BRIP1: variants seen among roughly 807,000 people sequenced by gnomAD.
The protein encoded by BRIP1 is BRCA1 interacting DNA helicase 1, also known as Fanconi anemia group J protein.
Under a neutral mutation model 119.7 loss-of-function variants are expected in BRIP1, and 88 were observed. The ratio of observed to expected loss-of-function variants is 0.74; its 90% confidence interval spans 0.62 to 0.88. The LOEUF (loss-of-function observed/expected upper bound fraction) is 0.88, where lower values mean the gene tolerates loss of function less well. Ranked by LOEUF, BRIP1 falls within the 40% of genes least tolerant of loss-of-function variation. The pLI, the probability that BRIP1 is intolerant of heterozygous loss-of-function variation, is 0.00. For synonymous variants in BRIP1, 443 were observed against 496.5 expected (o/e 0.89, Z 1.43); for missense variants, 1,259 against 1,455.4 (o/e 0.87, Z 2.20).
rs2077514368 is a variant in BRIP1, at chr17:61,775,138, T to G, written c.2097+1263A>C. ...AAGACCAACTCCCTACAAGTTTTAT[T>G]GTATGACTTAGTATCAAGCTTAATT... is the stretch of plus-strand genomic sequence containing the variant. On this transcript the variant is annotated intron_variant, in intron 14 of 19. Coordinates refer to ENST00000259008, the MANE Select transcript of BRIP1 (RefSeq NM_032043.3). The surrounding 1 kb of genome is among the most constrained non-coding windows in gnomAD (Gnocchi z 4.4). Among the ~76,000 whole-genome samples, 1 of 152,206 alleles carries G rather than the reference T, an allele frequency of 6.6e-6. No homozygotes were observed. The highest frequency in any genetic ancestry group is 2.4e-5 in the African/African-American group (1 of 41,472).
chr17:61,837,147 C>T (rs1031669121), intron 6 of BRIP1, among the ~76,000 whole-genome samples: 8 of 152,358 alleles, frequency 5.3e-5, no homozygotes, highest in Admixed American at 4.6e-4. Context: ...CATCAACTCA[C>T]ATGAACCTGT....
Position 61,755,228 on chromosome 17 carries a change from A to T in BRIP1, c.2098-10637T>A, listed in dbSNP as rs1290435361. ...GTCAGGGAGGAGAGTAGGGAGGGGT[A>T]AAACATAACTGTAAAACCAGATGCC... is the stretch of plus-strand genomic sequence containing the variant. On this transcript the variant is annotated intron_variant, in intron 14 of 19. Coordinates refer to ENST00000259008, the MANE Select transcript of BRIP1 (RefSeq NM_032043.3). The surrounding 1 kb of genome is among the most constrained non-coding windows in gnomAD (Gnocchi z 4.5). 2.6e-5 allele frequency among the ~76,000 whole-genome samples: 4 copies of T among 152,166 alleles called. No homozygotes were observed. Among genetic ancestry groups the T allele is most frequent in the African/African-American group, 9.6e-5 (4 of 41,458 alleles).
rs2077026215 is a variant in BRIP1 at position 61,744,230 on chromosome 17, A to C, written c.2257+202T>G. ...GATGGCATCGTTTTTCTTAAAGTTG[A>C]ATCAGCATACTCAAGTGAAAATATT... On this transcript the variant is annotated intron_variant, in intron 15 of 19. Coordinates refer to ENST00000259008, the MANE Select transcript of BRIP1 (RefSeq NM_032043.3). The surrounding 1 kb of genome is among the most constrained non-coding windows in gnomAD (Gnocchi z 5.0). 6.6e-6 allele frequency among the ~76,000 whole-genome samples: 1 copy of C among 152,154 alleles called. No individual in the cohort carries two copies. Among genetic ancestry groups the C allele is most frequent in the South Asian group, 2.1e-4 (1 of 4,820 alleles).
intron 17 of BRIP1, among the ~76,000 whole-genome samples, chr17:61,702,403 A>G (rs2061628713): frequency 6.6e-6 from 1 of 152,210 alleles, no homozygotes; most frequent in Admixed American, 6.5e-5. Context: ...ATAGTATCCA[A>G]CAGGTAGTTT....
Position 61,795,042 on chromosome 17 carries a change from T to C in BRIP1, c.1341-1313A>G, listed in dbSNP as rs367742336. ...GAGTGATAAGCAGAAATCAGTCATC[T>C]TGAGTCATCATAAGAAATCTGAATT... On this transcript the variant is annotated intron_variant, in intron 9 of 19. Transcript: ENST00000259008. The surrounding 1 kb of genome is among the most constrained non-coding windows in gnomAD (Gnocchi z 5.6). Among the ~76,000 whole-genome samples the C allele has an allele frequency of 3.3e-5, 5 of 152,120 alleles. No homozygotes were observed. The highest frequency in any genetic ancestry group is 4.4e-5 in the Non-Finnish European group (3 of 68,006).
chr17:61,702,964 C>A (rs557664842), intron 17 of BRIP1, among the ~76,000 whole-genome samples: 1 of 142,506 alleles, frequency 7.0e-6, no homozygotes, highest in Non-Finnish European at 1.5e-5. Flanking sequence ...ACCTTGCGAG[C>A]ATCTGTTCTT....
In BRIP1 at chr17:61,743,156, T is replaced by A. The variant is rs908959795; in HGVS notation, c.2258-22A>T. The A allele has an allele frequency of 6.2e-7, 1 of 1,613,206 alleles. No individual in the cohort carries two copies. Among genetic ancestry groups the A allele is most frequent in the Non-Finnish European group, 8.5e-7 (1 of 1,179,436 alleles). ...CCATCTTAAACAACAGAAAAAAGCA[T>A]ATCCAAAATTCTCAGAAATTGCTTA... On this transcript the variant is annotated intron_variant, in intron 15 of 19. Transcript: ENST00000259008. This position sits in a 1 kb window ranked among gnomAD's most constrained non-coding sequence, Gnocchi z 4.3.
At chr17:61,779,750 G>A (rs1398277869) in intron 13 of BRIP1, among the ~76,000 whole-genome samples, 1 of 152,094 alleles carries the variant, frequency 6.6e-6, no homozygotes, top group African/African-American at 2.4e-5. Context: ...GAGGGCAGGA[G>A]TTCAAGACCA....
chr17:61,821,638 T>G (rs1226917424), intron 6 of BRIP1, among the ~76,000 whole-genome samples: 1 of 152,120 alleles, frequency 6.6e-6, no homozygotes, highest in Non-Finnish European at 1.5e-5. Flanking sequence ...TAAGCAATCC[T>G]CCTGCCTCAG....
intron 6 of BRIP1, among the ~76,000 whole-genome samples, chr17:61,826,731 T>TTA (rs377344739): frequency 4.0e-5 from 3 of 75,318 alleles, no homozygotes; most frequent in South Asian, 6.0e-4. Context: ...TATTAAAAAG[T>TTA]AAAAAAAAAA....
In BRIP1 at chr17:61,709,836, A is replaced by G. The variant is rs2061745071; in HGVS notation, c.2492+6115T>C. ...TTTCCAAAGGCTGTTCTTGTATTTC[A>G]TAGACTTATATTACTTCAAATACTC... On this transcript the variant is annotated intron_variant, in intron 17 of 19. Coordinates refer to ENST00000259008, the MANE Select transcript of BRIP1 (RefSeq NM_032043.3). This position sits in a 1 kb window ranked among gnomAD's most constrained non-coding sequence, Gnocchi z 5.0. Among the ~76,000 whole-genome samples, 1 of 152,018 alleles carries G rather than the reference A, an allele frequency of 6.6e-6. No individual in the cohort carries two copies. Among genetic ancestry groups the G allele is most frequent in the Non-Finnish European group, 1.5e-5 (1 of 68,036 alleles).
chr17:61,758,193 T>C lies in BRIP1; in HGVS notation c.2098-13602A>G, dbSNP rs894452462. 7.9e-5 allele frequency among the ~76,000 whole-genome samples: 12 copies of C among 152,220 alleles called. No homozygotes were observed. The highest frequency in any genetic ancestry group is 2.9e-4 in the African/African-American group (12 of 41,460). On this transcript the variant is annotated intron_variant, in intron 14 of 19. Transcript: ENST00000259008. The surrounding 1 kb of genome is among the most constrained non-coding windows in gnomAD (Gnocchi z 5.3). ...GTTTTGCTTTTTAAAAATGAAGAAC[T>C]GTTGACTGAGTTAATAATGTTGGCT...
At position 61,860,652 on chromosome 17, in the gene BRIP1, G is replaced by A. The variant is rs183695020; in HGVS notation, c.94-745C>T. 1.3e-5 allele frequency among the ~76,000 whole-genome samples: 2 copies of A among 152,060 alleles called. No individual in the cohort carries two copies. The highest frequency in any genetic ancestry group is 1.9e-4 in the East Asian group (1 of 5,154). On this transcript the variant is annotated intron_variant, in intron 2 of 19. Coordinates refer to ENST00000259008, the MANE Select transcript of BRIP1 (RefSeq NM_032043.3). The surrounding 1 kb of genome is among the most constrained non-coding windows in gnomAD (Gnocchi z 4.1). ...TCCAATCTGGGCGACAGAGTGAGAC[G>A]CTGTCTCAAAAACAAAAAGAAAAAA...
chr17:61,743,189 C>T lies in BRIP1; in HGVS notation c.2258-55G>A. The T allele has an allele frequency of 6.3e-7, 1 of 1,579,544 alleles. No individual in the cohort carries two copies. ...ATTCTCAGAAATTGCTTATTCTTGT[C>T]ATTTTGAAAATACCTGATTTATAAT... On this transcript the variant is annotated intron_variant, in intron 15 of 19. Transcript: ENST00000259008. This position sits in a 1 kb window ranked among gnomAD's most constrained non-coding sequence, Gnocchi z 4.3.
At position 61,691,322 on chromosome 17, in the gene BRIP1, T is replaced by C. The variant is rs774423095; in HGVS notation, c.2575+2108A>G. On this transcript the variant is annotated intron_variant, in intron 18 of 19. Transcript: ENST00000259008. This position sits in a 1 kb window ranked among gnomAD's most constrained non-coding sequence, Gnocchi z 5.0. The stretch of plus-strand genomic sequence containing the variant: ...AATAAAATACCTAGGAATAAACAAC[T>C]AAGGAGGCAAAAAACCTGTACACTG... Among the ~76,000 whole-genome samples the C allele has an allele frequency of 1.3e-5, 2 of 151,474 alleles. No individual in the cohort carries two copies. Among genetic ancestry groups the C allele is most frequent in the Non-Finnish European group, 2.9e-5 (2 of 67,810 alleles).
rs570731324 is a variant in BRIP1 at position 61,771,656 on chromosome 17, G to A, written c.2097+4745C>T. Among the ~76,000 whole-genome samples the A allele has an allele frequency of 5.3e-4, 81 of 152,252 alleles. 1 individual carries two copies. In the South Asian group the frequency reaches 0.016, roughly 30 times the overall value. ...TGACTATAAAAAAAACAGTTTGGTG[G>A]TTCTTCAAAAAGTTAAATTTAGGCT... On this transcript the variant is annotated intron_variant, in intron 14 of 19. Transcript: ENST00000259008.
rs1396671677 is a variant in BRIP1 at position 61,706,612 on chromosome 17, G to A, written c.2492+9339C>T. ...ACATTGATCCTACTACTACTTCTTGGTTTTTGAACTTTAGAACTTACGTAC... is the reference window on the plus strand; with the variant it reads ...ACATTGATCCTACTACTACTTCTTGATTTTTGAACTTTAGAACTTACGTAC... On this transcript the variant is annotated intron_variant, in intron 17 of 19. Coordinates refer to ENST00000259008, the MANE Select transcript of BRIP1 (RefSeq NM_032043.3). The surrounding 1 kb of genome is among the most constrained non-coding windows in gnomAD (Gnocchi z 5.7). Among the ~76,000 whole-genome samples the A allele has an allele frequency of 6.6e-6, 1 of 151,864 alleles. No homozygotes were observed. The highest frequency in any genetic ancestry group is 1.5e-5 in the Non-Finnish European group (1 of 67,944).
At chr17:61,719,351 G>A (rs925775106) in intron 16 of BRIP1, among the ~76,000 whole-genome samples, 1 of 151,984 alleles carries the variant, frequency 6.6e-6, no homozygotes, top group African/African-American at 2.4e-5. Context: ...GGATGGAACT[G>A]AGGACACTAC....
rs1187907331 is a variant in BRIP1, at chr17:61,778,461, G to T, written c.1935+1800C>A. Among the ~76,000 whole-genome samples, 1 of 152,084 alleles carries T rather than the reference G, an allele frequency of 6.6e-6. No homozygotes were observed. Among genetic ancestry groups the T allele is most frequent in the Non-Finnish European group, 1.5e-5 (1 of 68,020 alleles). On this transcript the variant is annotated intron_variant, in intron 13 of 19. Coordinates refer to ENST00000259008, the MANE Select transcript of BRIP1 (RefSeq NM_032043.3). This position sits in a 1 kb window ranked among gnomAD's most constrained non-coding sequence, Gnocchi z 4.4. ...AGACTGAGCTGTATACTCAAAAATGGTTAAGATGGTAAATTTTATATATAT... is the reference window on the plus strand; with the variant it reads ...AGACTGAGCTGTATACTCAAAAATGTTTAAGATGGTAAATTTTATATATAT...
Sources: gnomAD v4.1 joint callset for allele counts (sites outside exome capture counted in the v4.1 genomes callset) on GRCh38, gnomAD v4.1.1 for gene constraint, Gnocchi (gnomAD v3.1) non-coding constraint, MANE v1.5 for transcripts, NCBI Gene and HGNC (gene_info 2026-07-23, HGNC 2026-07-21) for gene names.